Variants in PTPN3 observed in about 807,000 individuals in gnomAD.
PTPN3 encodes the protein protein tyrosine phosphatase non-receptor type 3, also known as tyrosine-protein phosphatase non-receptor type 3.
PTPN3 carries 96 observed loss-of-function variants against 132.7 expected under a neutral mutation model. The ratio of observed to expected loss-of-function variants is 0.72; its 90% CI spans 0.61 to 0.86. The LOEUF (loss-of-function observed/expected upper bound fraction) is 0.86. Among genes scored for constraint, PTPN3 ranks in the 40% least tolerant of loss-of-function variants. PTPN3 has a pLI of 0.00. For synonymous variants in PTPN3, 398 were observed against 429.0 expected (o/e 0.93, Z 0.89); for missense variants, 1,125 against 1,159.6 (o/e 0.97, Z 0.43).
the PTPN3 span, among the ~76,000 whole-genome samples, chr9:109,517,003 C>T: frequency 3.9e-5 from 6 of 152,104 alleles, no homozygotes; most frequent in African/African-American, 7.2e-5. Flanking sequence ...GCATATATTC[C>T]GTAGGCAGCT....
intron 15 of PTPN3, 68 bp from the exon 16 acceptor site, chr9:109,410,144 T>C: frequency 6.2e-7 from 1 of 1,613,458 alleles, no homozygotes; most frequent in Non-Finnish European, 8.5e-7. Flanking sequence ...TAAGATATTT[T>C]CATTTAGTTA....
In PTPN3 at chr9:109,428,622, T is replaced by C; in HGVS notation, c.827A>G (p.Gln276Arg). 1.9e-6 allele frequency: 3 copies of C among 1,613,480 alleles called. No individual in the cohort carries two copies. Among genetic ancestry groups the C allele is most frequent in the South Asian group, 1.1e-5 (1 of 91,046 alleles). ...KKFFIHQRQK[Q>R]AESREHIVAF... The stretch of plus-strand genomic sequence containing the variant: ...GCAAGCAAAGACATAACTACTCACC[T>C]GTTTCTGTCGCTGATGTATGAAGAA... The change falls in exon 11 of 26, where the codon CAG becomes CGG. Residue 276 changes from glutamine to arginine, a missense_variant and splice_region_variant. By Grantham distance (43) the Gln-to-Arg change is conservative (BLOSUM62 1). Transcript: ENST00000374541.
At chr9:109,425,344 C>T (rs145593281) in intron 12 of PTPN3, among the ~76,000 whole-genome samples, 49 of 152,248 alleles carry the variant, frequency 3.2e-4, no homozygotes, top group Admixed American at 2.5e-3. Flanking sequence ...GGCTCAGACA[C>T]GGGTCTCATT....
intron 19 of PTPN3, among the ~76,000 whole-genome samples, chr9:109,403,059 C>T (rs1841279694): frequency 6.6e-6 from 1 of 152,192 alleles, no homozygotes; most frequent in East Asian, 1.9e-4. Context: ...ACCTGGGTGA[C>T]AGACGCCCTG....
chr9:109,517,502 G>A, the PTPN3 span, among the ~76,000 whole-genome samples: 1 of 152,206 alleles, frequency 6.6e-6, no homozygotes, highest in South Asian at 2.1e-4. Flanking sequence ...CAAGGTAGTG[G>A]TTATCAAAAA....
intron 10 of PTPN3, among the ~76,000 whole-genome samples, chr9:109,431,382 T>G (rs1843654692): frequency 6.6e-6 from 1 of 152,256 alleles, no homozygotes; most frequent in African/African-American, 2.4e-5. Flanking sequence ...TTTAGGCCTG[T>G]GGCACCTGGA....
chr9:109,381,555 G>A (rs1213417627), intron 25 of PTPN3, 97 bp downstream of exon 25: 5 of 1,501,512 alleles, frequency 3.3e-6, no homozygotes, highest in Non-Finnish European at 3.7e-6. Context: ...GTCCCCCTGA[G>A]CTGCAGTCTG....
chr9:109,484,148 C>T (rs758261859), intron 1 of PTPN3, among the ~76,000 whole-genome samples: 24 of 152,190 alleles, frequency 1.6e-4, no homozygotes, highest in Non-Finnish European at 2.8e-4. Context: ...TGAGCCCCAC[C>T]CTGCCCTGGG....
rs1838868146 is a variant in PTPN3, at chr9:109,379,734, T to C, written c.2665-101A>G. On this transcript the variant is annotated intron_variant, in intron 25 of 25. Transcript: ENST00000374541. ...TTTTGCAGCATTTGTAAATATTCCCTGAGCGCCAACTCTGGGCCACAGGCC... is the reference window on the plus strand; with the variant it reads ...TTTTGCAGCATTTGTAAATATTCCCCGAGCGCCAACTCTGGGCCACAGGCC... 11 of 1,009,906 alleles carry C rather than the reference T, an allele frequency of 1.1e-5. No homozygotes were observed. In the East Asian group the frequency reaches 1.3e-4, roughly 12 times the overall value. 62.6% of individuals were successfully genotyped at this position (1,009,906 alleles called of 1,614,324 possible).
At chr9:109,419,227 C>G (rs965279347) in intron 14 of PTPN3, among the ~76,000 whole-genome samples, 7 of 152,168 alleles carry the variant, frequency 4.6e-5, no homozygotes, top group Admixed American at 3.3e-4. Flanking sequence ...AACTGGAAAC[C>G]ATGTTTGCTG....
At chr9:109,438,262 ATAAT>A (rs762966962) in intron 7 of PTPN3, 28 bp from the exon 8 acceptor site, 4 of 1,598,172 alleles carry the variant, frequency 2.5e-6, no homozygotes, top group Non-Finnish European at 3.4e-6. Flanking sequence ...GGGGAAAATC[ATAAT>A]TAGTTTTGCC....
intron 1 of PTPN3, among the ~76,000 whole-genome samples, chr9:109,477,589 G>A (rs1462883102): frequency 6.6e-6 from 1 of 152,220 alleles, no homozygotes; most frequent in Non-Finnish European, 1.5e-5. Context: ...CAAAAGGCCT[G>A]GACTGGAGTG....
chr9:109,429,324 T>C (rs1017293054), intron 10 of PTPN3, among the ~76,000 whole-genome samples: 1 of 152,176 alleles, frequency 6.6e-6, no homozygotes, highest in Non-Finnish European at 1.5e-5. Flanking sequence ...AGCCAGGACC[T>C]GCACCCCGGT....
chr9:109,480,388 C>G (rs1846902718), intron 1 of PTPN3, among the ~76,000 whole-genome samples: 1 of 152,118 alleles, frequency 6.6e-6, no homozygotes, highest in Non-Finnish European at 1.5e-5. Context: ...TCATCTTGAA[C>G]TCCTAGACTC....
chr9:109,430,088 TA>T (rs1323670576), intron 10 of PTPN3, among the ~76,000 whole-genome samples: 1 of 152,188 alleles, frequency 6.6e-6, no homozygotes, highest in Non-Finnish European at 1.5e-5. Flanking sequence ...TACAGGTTAA[TA>T]GTCTAAGGAT....
At chr9:109,415,027 C>CGTCT (rs1018512850) in intron 14 of PTPN3, among the ~76,000 whole-genome samples, 3 of 151,894 alleles carry the variant, frequency 2.0e-5, no homozygotes, top group Non-Finnish European at 4.4e-5. Flanking sequence ...ACCATTTGTC[C>CGTCT]GTCTGTCCGT....
At chr9:109,437,948 T>TTTCTGTAAGTG (rs1220812147) in intron 8 of PTPN3, among the ~76,000 whole-genome samples, 166 bp downstream of exon 8, 1 of 152,206 alleles carries the variant, frequency 6.6e-6, no homozygotes, top group Non-Finnish European at 1.5e-5. Context: ...ATGCTAGTTA[T>TTTCTGTAAGTG]GCCAAATATA....
the PTPN3 span, among the ~76,000 whole-genome samples, chr9:109,504,820 C>A: frequency 1.1e-3 from 173 of 152,284 alleles, 1 homozygote; most frequent in Admixed American, 4.1e-3. Context: ...GAAGCTGAGA[C>A]GATGAGACAT....
At chr9:109,498,926 G>A (rs1257853207), upstream of PTPN3, among the ~76,000 whole-genome samples, 1 of 152,132 alleles carries the variant, frequency 6.6e-6, no homozygotes, top group Non-Finnish European at 1.5e-5. The surrounding 1 kb of genome is among the most constrained non-coding windows in gnomAD (Gnocchi z 4.2). Context: ...CCTTCTCATT[G>A]TACATAGGTC....
Sources: allele counts gnomAD v4.1 joint callset (sites outside exome capture counted in the v4.1 genomes callset), GRCh38; gene constraint gnomAD v4.1.1; non-coding constraint Gnocchi (gnomAD v3.1); transcripts MANE v1.5; gene names NCBI Gene and HGNC (gene_info 2026-07-23, HGNC 2026-07-21).